NEBL: variants seen among roughly 807,000 people sequenced by gnomAD.
NEBL encodes the protein LIM and SH3 protein 2.
Under a neutral mutation model 140.2 loss-of-function variants are expected in NEBL, and 122 were observed. The ratio of observed to expected loss-of-function variants is 0.87; its 90% CI spans 0.75 to 1.01. The LOEUF (loss-of-function observed/expected upper bound fraction) is 1.01. NEBL is among the 50% of genes least tolerant of loss of function. The pLI is 0.00. For synonymous variants in NEBL, 436 were observed against 398.9 expected, an observed-to-expected ratio of 1.09 and a Z score of -1.11; for missense variants, 1,365 against 1,231.3, an observed-to-expected ratio of 1.11 and a Z score of -1.62.
chr10:21,131,062 T>C (rs1286130663), intron 2 of NEBL, among the ~76,000 whole-genome samples: 1 of 152,096 alleles, frequency 6.6e-6, no homozygotes, highest in Non-Finnish European at 1.5e-5. Flanking sequence ...GGGGCCATCA[T>C]TACAGATGCC....
chr10:21,103,761 G>C (rs1049537637), intron 2 of NEBL, among the ~76,000 whole-genome samples: 7 of 151,910 alleles, frequency 4.6e-5, no homozygotes, highest in Non-Finnish European at 7.4e-5. Context: ...GCGATTATTA[G>C]TATCTTTTGA....
chr10:21,034,651 G>T (rs148338645), intron 2 of NEBL, among the ~76,000 whole-genome samples: 2,524 of 152,284 alleles, frequency 0.017, 26 homozygotes, highest in South Asian at 0.034. Flanking sequence ...AACTGTCCTT[G>T]GGGAGAGGAG....
At chr10:21,021,841 T>G (rs577602957) in intron 2 of NEBL, among the ~76,000 whole-genome samples, 37 of 152,294 alleles carry the variant, frequency 2.4e-4, no homozygotes, top group Non-Finnish European at 4.7e-4. Flanking sequence ...CACCTGCTAG[T>G]GTCTGCCTCT....
intron 26 of NEBL, among the ~76,000 whole-genome samples, chr10:20,798,037 A>T (rs1413104381): frequency 6.6e-6 from 1 of 151,482 alleles, no homozygotes; most frequent in East Asian, 2.0e-4. Context: ...CAGGAGTTAG[A>T]GGTGCAGTGA....
At chr10:21,223,393 T>C (rs1419247584) in intron 3 of NEBL, among the ~76,000 whole-genome samples, 1 of 152,232 alleles carries the variant, frequency 6.6e-6, no homozygotes, top group African/African-American at 2.4e-5. Flanking sequence ...TTCTTTTCTA[T>C]GGCTGAATAG....
chr10:21,120,680 C>CAAAAAAAA (rs66476160), intron 2 of NEBL, among the ~76,000 whole-genome samples: 4 of 71,240 alleles, frequency 5.6e-5, no homozygotes, highest in Non-Finnish European at 5.2e-5. Context: ...TTCATGACAG[C>CAAAAAAAA]AAAAAAAAAA....
rs867068490 is a variant in NEBL at position 21,053,365 on chromosome 10, G to C, written c.165-33164C>G. Among the ~76,000 whole-genome samples, 185 of 152,238 alleles carry C rather than the reference G, an allele frequency of 1.2e-3. 1 individual carries two copies. Among genetic ancestry groups the C allele is most frequent in the African/African-American group, 4.0e-3 (165 of 41,538 alleles). On this transcript the variant is annotated intron_variant, in intron 2 of 6. Coordinates refer to the NEBL transcript ENST00000417816. ...AATCCTGGCTTTCTAGATGCTTTCT[G>C]TGAGTCCCTGCATACTCATCCACAC...
intron 3 of NEBL, among the ~76,000 whole-genome samples, chr10:21,185,133 A>C (rs565137383): frequency 6.6e-6 from 1 of 152,312 alleles, no homozygotes; most frequent in East Asian, 1.9e-4. Flanking sequence ...AGAAAAAAGG[A>C]ACCAAGAGAA....
intron 2 of NEBL, among the ~76,000 whole-genome samples, chr10:21,062,472 G>A (rs1258649361): frequency 6.6e-6 from 1 of 151,522 alleles, no homozygotes; most frequent in Non-Finnish European, 1.5e-5. Flanking sequence ...ATCAGCCTGG[G>A]CAACATAGAG....
chr10:21,125,931 C>G (rs983371813), intron 2 of NEBL: 2 of 1,614,114 alleles, frequency 1.2e-6, no homozygotes, highest in Non-Finnish European at 1.7e-6. Context: ...GTCCCAGAGA[C>G]AGCCTTGGGG....
At chr10:21,179,470 A>C (rs1841353624), upstream of NEBL, among the ~76,000 whole-genome samples, 1 of 149,802 alleles carries the variant, frequency 6.7e-6, no homozygotes, top group African/African-American at 2.5e-5. Context: ...CCTACCAATC[A>C]ATGACCCCCC....
At chr10:20,790,078 A>T (rs910588861) in intron 26 of NEBL, among the ~76,000 whole-genome samples, 4 of 151,986 alleles carry the variant, frequency 2.6e-5, no homozygotes, top group Admixed American at 6.6e-5. Flanking sequence ...GTAATGTATT[A>T]GTTCTAAATG....
intron 16 of NEBL, 131 bp from the exon 17 acceptor site, chr10:20,828,765 C>A: frequency 1.7e-6 from 1 of 598,186 alleles, no homozygotes; most frequent in Admixed American, 2.4e-5. Flanking sequence ...CTTACACTCC[C>A]AGAGAGAGAG....
intron 4 of NEBL, among the ~76,000 whole-genome samples, chr10:20,935,411 G>T (rs979513353): frequency 6.6e-6 from 1 of 152,108 alleles, no homozygotes; most frequent in African/African-American, 2.4e-5. Context: ...TCTCTTCATC[G>T]AATTCACTAA....
chr10:21,080,844 G>T (rs924011227), intron 2 of NEBL, among the ~76,000 whole-genome samples: 4 of 151,844 alleles, frequency 2.6e-5, no homozygotes, highest in East Asian at 1.9e-4. Context: ...ATGTGATCTG[G>T]TTTTTTTGTT....
intron 5 of NEBL, among the ~76,000 whole-genome samples, chr10:20,870,250 C>G (rs544818509): frequency 1.3e-4 from 19 of 147,112 alleles, no homozygotes; most frequent in Non-Finnish European, 2.2e-4. Flanking sequence ...CGCTCAAACC[C>G]GAGAGGCAGA....
intron 4 of NEBL, among the ~76,000 whole-genome samples, chr10:20,954,269 GCCA>G (rs1229217808): frequency 6.6e-6 from 1 of 152,158 alleles, no homozygotes. Context: ...TTCACACAAG[GCCA>G]GGAGATTCAC....
intron 4 of NEBL, among the ~76,000 whole-genome samples, chr10:20,936,510 T>G (rs1834494898): frequency 1.3e-5 from 2 of 152,220 alleles, no homozygotes. Context: ...CTGTCCTGAA[T>G]CACATAATTA....
chr10:21,206,796 C>T (rs1234786757), intron 3 of NEBL, among the ~76,000 whole-genome samples: 2 of 152,042 alleles, frequency 1.3e-5, no homozygotes, highest in African/African-American at 4.8e-5. Flanking sequence ...TGTATTCCCA[C>T]GCCAATCCCA....
Sources: allele counts gnomAD v4.1 joint callset (sites outside exome capture counted in the v4.1 genomes callset), GRCh38; gene constraint gnomAD v4.1.1; transcripts MANE v1.5; gene names NCBI Gene and HGNC (gene_info 2026-07-23, HGNC 2026-07-21).